The following MRPL48 variants were observed in gnomAD, a reference collection of about 807,000 sequenced individuals.
The protein encoded by MRPL48 is large ribosomal subunit protein mL48.
MRPL48 carries 16 observed loss-of-function variants against 32.9 expected under a neutral mutation model. The observed-to-expected ratio is 0.49, with a 90% CI of 0.33 to 0.74. MRPL48 has a LOEUF of 0.74. MRPL48 is among the 30% of genes least tolerant of loss of function. MRPL48 has a pLI of 0.02. For missense variants in MRPL48, 206 were observed against 245.3 expected (o/e 0.84, Z 1.07); for synonymous variants, 94 against 89.2 (o/e 1.05, Z -0.31).
intron 5 of MRPL48, among the ~76,000 whole-genome samples, chr11:73,847,446 C>G (rs1290899978): frequency 1.4e-5 from 2 of 142,146 alleles, no homozygotes; most frequent in African/African-American, 5.1e-5. Context: ...ATAGCAGTTC[C>G]TTTTTTTTTT....
intron 5 of MRPL48, among the ~76,000 whole-genome samples, chr11:73,854,958 G>C (rs1398892560): frequency 6.6e-6 from 1 of 152,094 alleles, no homozygotes; most frequent in Non-Finnish European, 1.5e-5. Flanking sequence ...CAACCTCTTT[G>C]TGTCTTGGTT....
chr11:73,813,216 G>A (rs1947600403), intron 3 of MRPL48, among the ~76,000 whole-genome samples: 1 of 151,958 alleles, frequency 6.6e-6, no homozygotes, highest in African/African-American at 2.4e-5. Context: ...CTGTCACCCA[G>A]GCTAGAGTGC....
At chr11:73,835,685 G>A (rs1261819394) in intron 4 of MRPL48, among the ~76,000 whole-genome samples, 1 of 152,058 alleles carries the variant, frequency 6.6e-6, no homozygotes, top group Non-Finnish European at 1.5e-5. Context: ...GATCACCTGA[G>A]TTCAGGAGTT....
chr11:73,814,467 A>T (rs1947622652), intron 3 of MRPL48, among the ~76,000 whole-genome samples: 1 of 151,772 alleles, frequency 6.6e-6, no homozygotes, highest in Non-Finnish European at 1.5e-5. Context: ...GGCTGAGGCC[A>T]GTGGATCACC....
At chr11:73,834,492 T>A (rs909635232) in intron 4 of MRPL48, among the ~76,000 whole-genome samples, 1 of 151,812 alleles carries the variant, frequency 6.6e-6, no homozygotes, top group Non-Finnish European at 1.5e-5. Context: ...CTTTGTTTTT[T>A]GTTTTTGTTG....
At chr11:73,803,678 A>C (rs1279282992) in intron 1 of MRPL48, among the ~76,000 whole-genome samples, 1 of 151,992 alleles carries the variant, frequency 6.6e-6, no homozygotes, top group African/African-American at 2.4e-5. Context: ...TAAAATTGTT[A>C]TCCATAGTGG....
At chr11:73,810,082 A>AT (rs1227732206) in intron 3 of MRPL48, among the ~76,000 whole-genome samples, 1 of 152,160 alleles carries the variant, frequency 6.6e-6, no homozygotes, top group Non-Finnish European at 1.5e-5. Context: ...TTAGAAGCTT[A>AT]TTTTTTCCCT....
intron 7 of MRPL48, among the ~76,000 whole-genome samples, chr11:73,863,657 G>A (rs1362216330): frequency 1.3e-5 from 2 of 152,234 alleles, no homozygotes; most frequent in Admixed American, 6.5e-5. Context: ...CTTGACTGTA[G>A]CTTGACTGAA....
chr11:73,817,122 A>G (rs956451771), intron 3 of MRPL48, among the ~76,000 whole-genome samples: 8 of 152,112 alleles, frequency 5.3e-5, no homozygotes, highest in Middle Eastern at 6.8e-3. Flanking sequence ...ATGAGCCACC[A>G]TGCCCAGCCT....
chr11:73,828,441 G>T (rs1205829334), intron 4 of MRPL48, among the ~76,000 whole-genome samples: 1 of 151,880 alleles, frequency 6.6e-6, no homozygotes, highest in Non-Finnish European at 1.5e-5. Flanking sequence ...GCCCAGACTG[G>T]TCTCAAACTC....
chr11:73,795,727 C>T (rs1235213865), intron 1 of MRPL48, among the ~76,000 whole-genome samples: 1 of 149,722 alleles, frequency 6.7e-6, no homozygotes, highest in Admixed American at 6.7e-5. Flanking sequence ...AGGATGGTCT[C>T]GATCTCCTGA....
chr11:73,821,196 A>G (rs570637636), intron 3 of MRPL48, among the ~76,000 whole-genome samples: 1 of 151,754 alleles, frequency 6.6e-6, no homozygotes, highest in Admixed American at 6.6e-5. Flanking sequence ...GGTCTCTTCT[A>G]TGTTGCCCAG....
intron 1 of MRPL48, among the ~76,000 whole-genome samples, chr11:73,795,858 G>A (rs574962403): frequency 1.3e-5 from 2 of 152,182 alleles, no homozygotes; most frequent in South Asian, 2.1e-4. Flanking sequence ...TCACAAAGTT[G>A]TACAACTGTT....
At chr11:73,859,441 C>G (rs1188412101) in intron 5 of MRPL48, among the ~76,000 whole-genome samples, 1 of 151,996 alleles carries the variant, frequency 6.6e-6, no homozygotes, top group Non-Finnish European at 1.5e-5. Flanking sequence ...GCCACCACAC[C>G]TAGCTAATTT....
chr11:73,795,052 C>T (rs1045605383), intron 1 of MRPL48, among the ~76,000 whole-genome samples: 4 of 151,826 alleles, frequency 2.6e-5, no homozygotes, highest in African/African-American at 9.7e-5. Context: ...GCTGGGACTA[C>T]AGGCACCCAC....
At position 73,852,393 on chromosome 11, in the gene MRPL48, CAAAAAA is replaced by C. The variant is rs10554131; in HGVS notation, c.371+7436_371+7441del. On this transcript the variant is annotated intron_variant, in intron 5 of 7. Coordinates refer to ENST00000310614, the MANE Select transcript of MRPL48 (RefSeq NM_016055.6). ...ATAAGGAGCTCAAACAACTCTATAGCAAAAAAAAAAAAAAAAAAAAAAAATCTAATA... is the reference window on the plus strand; with the variant it reads ...ATAAGGAGCTCAAACAACTCTATAGCAAAAAAAAAAAAAAAAAATCTAATA... Among the ~76,000 whole-genome samples the C allele has an allele frequency of 4.2e-4, 35 of 83,354 alleles. 1 individual carries two copies. The highest frequency in any genetic ancestry group is 6.3e-4 in the Non-Finnish European group (27 of 42,710). 54.7% of individuals were successfully genotyped at this position (83,354 alleles called of 152,430 possible).
intron 4 of MRPL48, among the ~76,000 whole-genome samples, chr11:73,829,334 C>G (rs1469492169): frequency 2.0e-5 from 3 of 152,114 alleles, no homozygotes; most frequent in African/African-American, 7.2e-5. Flanking sequence ...CCTGGATTCT[C>G]TGCACTAAGT....
At chr11:73,806,968 C>G (rs529510521) in intron 2 of MRPL48, among the ~76,000 whole-genome samples, 2 of 152,242 alleles carry the variant, frequency 1.3e-5, no homozygotes, top group South Asian at 4.1e-4. Flanking sequence ...CATCCAGGTT[C>G]AAGCAATCCT....
intron 5 of MRPL48, 196 bp downstream of exon 5, chr11:73,845,172 C>T (rs559937945): frequency 2.4e-4 from 112 of 465,442 alleles, no homozygotes; most frequent in Non-Finnish European, 3.6e-4. Flanking sequence ...AGTCAGTCTT[C>T]TCCCTCTTCC....
Sources: gnomAD v4.1 joint callset for allele counts (sites outside exome capture counted in the v4.1 genomes callset) on GRCh38, gnomAD v4.1.1 for gene constraint, MANE v1.5 for transcripts, NCBI Gene and HGNC (gene_info 2026-07-23, HGNC 2026-07-21) for gene names.